NLRC5: variants seen among roughly 807,000 people sequenced by gnomAD.
The protein encoded by NLRC5 is NLR family CARD domain containing 5.
NLRC5 carries 114 observed loss-of-function variants against 206.9 expected under a neutral mutation model. The observed-to-expected ratio is 0.55, with a 90% CI of 0.47 to 0.64. The LOEUF (loss-of-function observed/expected upper bound fraction) is 0.64. Ranked by LOEUF, NLRC5 falls within the 30% of genes least tolerant of loss-of-function variation. The pLI is 0.00. For synonymous variants in NLRC5, 952 were observed against 962.8 expected, an observed-to-expected ratio of 0.99 and a Z score of 0.21; for missense variants, 2,008 against 2,305.5, an observed-to-expected ratio of 0.87 and a Z score of 2.64.
chr16:57,034,138 G>T, intron 12 of NLRC5, 30 bp from the exon 13 acceptor site: 1 of 1,599,082 alleles, frequency 6.3e-7, no homozygotes, highest in Non-Finnish European at 8.6e-7. Context: ...TGTTTGCCCT[G>T]AGCCCTTCTG....
Position 57,067,015 on chromosome 16 carries a change from A to G in NLRC5, c.4323-372A>G, listed in dbSNP as rs114284132. ...GCTTAGTCAAACACTTCCATTATCC[A>G]CTCTTATAGATCCCTGGATTCACAG... On this transcript the variant is annotated intron_variant, in intron 34 of 48. Transcript: ENST00000688547. 7.8e-3 allele frequency among the ~76,000 whole-genome samples: 1,177 copies of G among 151,812 alleles called. 21 individuals carry two copies. The highest frequency in any genetic ancestry group is 0.027 in the African/African-American group (1,133 of 41,362).
intron 39 of NLRC5, among the ~76,000 whole-genome samples, chr16:57,075,350 G>A (rs1418136462): frequency 3.3e-5 from 5 of 152,222 alleles, no homozygotes; most frequent in African/African-American, 1.2e-4. Context: ...CTCCCGAGTA[G>A]CCGGGATTAT....
rs557005239 is a variant in NLRC5 at position 57,066,580 on chromosome 16, C to A, written c.4288C>A (p.Arg1430Ser). The stretch of plus-strand genomic sequence containing the variant: ...GCTCTGTGTCCAGCTGGAATTTCCT[C>A]GCCAGGAAGAGAATCCAGAAGCTGT... ...QQLCVQLEFP[R>S]QEENPEAVAL... The change falls in exon 34 of 49, where the codon CGC (arginine) becomes AGC (serine). Residue 1430 changes from arginine (R) to serine (S), a missense_variant. Arg to Ser is a moderately radical substitution (Grantham distance 110, BLOSUM62 -1). Transcript: ENST00000688547. 3 of 1,614,040 alleles carry A rather than the reference C, an allele frequency of 1.9e-6. No individual in the cohort carries two copies. Among genetic ancestry groups the A allele is most frequent in the East Asian group, 2.2e-5 (1 of 44,880 alleles).
intron 12 of NLRC5, 104 bp from the exon 13 acceptor site, chr16:57,034,064 C>T (rs996412602): frequency 4.5e-6 from 4 of 886,384 alleles, no homozygotes; most frequent in Non-Finnish European, 7.2e-6. Context: ...TAGGATTAGA[C>T]CCAGGTCTGT....
chr16:57,041,848 T>TCA, intron 18 of NLRC5, 134 bp from the exon 19 acceptor site: 1 of 670,456 alleles, frequency 1.5e-6, no homozygotes, highest in Non-Finnish European at 2.6e-6. Flanking sequence ...GTGCCAGATC[T>TCA]GCTGAGATCT....
At chr16:57,079,718 G>A in intron 46 of NLRC5, 89 bp downstream of exon 46, 2 of 1,039,146 alleles carry the variant, frequency 1.9e-6, no homozygotes, top group Admixed American at 1.8e-5. Flanking sequence ...TGTGTGGCCT[G>A]GAGCTGCTCC....
Position 57,030,080 on chromosome 16 carries a change from G to T in NLRC5, c.2413G>T (p.Ala805Ser). Residue 805 changes from alanine (A) to serine (S), a missense_variant, in exon 10 of 49, where the codon GCC becomes TCC. Physicochemically the swap from Ala to Ser is moderately conservative, Grantham distance 99 (BLOSUM62 1). Coordinates refer to ENST00000688547, the MANE Select transcript of NLRC5 (RefSeq NM_001384950.1). ...GTGTCCTACCGTCAGGATGCTTCAG[G>T]CCAGGTGAGCAGAAGGAAAGGGATC... ...VTCPTVRMLQ[A>S]READLIFLLS... 6.2e-7 allele frequency: 1 copy of T among 1,613,950 alleles called. No individual in the cohort carries two copies. Among genetic ancestry groups the T allele is most frequent in the Non-Finnish European group, 8.5e-7 (1 of 1,179,832 alleles).
At chr16:57,020,632 T>A in intron 2 of NLRC5, 69 bp from the exon 3 acceptor site, 1 of 472,726 alleles carries the variant, frequency 2.1e-6, no homozygotes, top group Non-Finnish European at 3.2e-6. Flanking sequence ...CAAGTTCCCC[T>A]GTCCCTCAGC....
At chr16:57,059,278 G>A (rs950837853) in intron 29 of NLRC5, 189 bp from the exon 30 acceptor site, 11 of 1,463,678 alleles carry the variant, frequency 7.5e-6, no homozygotes, top group South Asian at 5.6e-5. Flanking sequence ...GAGGCCATGG[G>A]GTGGGAAGGC....
chr16:57,012,176 A>G (rs1201371325), intron 1 of NLRC5, among the ~76,000 whole-genome samples: 2 of 152,232 alleles, frequency 1.3e-5, no homozygotes, highest in Non-Finnish European at 2.9e-5. Flanking sequence ...CTTTTTTCAC[A>G]TGGCATAAAC....
chr16:56,990,084 C>T (rs1438957542), intron 1 of NLRC5, among the ~76,000 whole-genome samples: 1 of 152,118 alleles, frequency 6.6e-6, no homozygotes, highest in Non-Finnish European at 1.5e-5. Flanking sequence ...CAAACATATA[C>T]AATAGTAGAA....
intron 3 of NLRC5, chr16:57,021,258 A>G (rs2060638478): frequency 4.3e-6 from 2 of 469,226 alleles, no homozygotes; most frequent in Admixed American, 3.6e-5. Context: ...TCCAGCCACA[A>G]AATCCCACAT....
chr16:57,074,734 C>T lies in NLRC5; in HGVS notation c.4751+51C>T, dbSNP rs568181567. 2.1e-5 allele frequency: 32 copies of T among 1,544,642 alleles called. No individual in the cohort carries two copies. The South Asian group carries it at 3.5e-4, about 17-fold the overall frequency. On this transcript the variant is annotated intron_variant, in intron 39 of 48. Transcript: ENST00000688547. ...AATGAGTGGGAAGAAACACTTCCCA[C>T]TCAGTTGGGACCACATCCAGGGAAG...
At chr16:57,060,024 G>GTTATTATTA (rs3995823) in intron 30 of NLRC5, among the ~76,000 whole-genome samples, 2,314 of 144,864 alleles carry the variant, frequency 0.016, 64 homozygotes, top group African/African-American at 0.049. Flanking sequence ...TATTGTAACT[G>GTTATTATTA]TTATTATTAT....
chr16:57,070,776 A>G (rs1443460146), intron 38 of NLRC5, among the ~76,000 whole-genome samples, 158 bp downstream of exon 38: 1 of 147,946 alleles, frequency 6.8e-6, no homozygotes, highest in African/African-American at 2.5e-5. Flanking sequence ...GGAGTGGTTA[A>G]TGGGGAATGG....
intron 1 of NLRC5, among the ~76,000 whole-genome samples, chr16:56,993,681 T>C (rs1380729228): frequency 1.3e-5 from 2 of 152,212 alleles, no homozygotes; most frequent in Non-Finnish European, 2.9e-5. Context: ...AGTTTGAACA[T>C]CTTTTCAAAT....
At chr16:57,062,165 C>A (rs74023652) in intron 32 of NLRC5, 5 of 715,370 alleles carry the variant, frequency 7.0e-6, no homozygotes, top group African/African-American at 1.8e-5. Flanking sequence ...TCAGCTGAAG[C>A]GGTTTCAAGT....
At chr16:57,063,262 G>A (rs1179202017) in intron 32 of NLRC5, among the ~76,000 whole-genome samples, 5 of 151,678 alleles carry the variant, frequency 3.3e-5, no homozygotes, top group African/African-American at 9.7e-5. Flanking sequence ...ACAGGCGCCC[G>A]CCACCACACC....
At chr16:57,054,340 C>T (rs968448403) in intron 24 of NLRC5, among the ~76,000 whole-genome samples, 32 of 152,294 alleles carry the variant, frequency 2.1e-4, no homozygotes, top group African/African-American at 6.0e-4. Context: ...CCTGAAGCTT[C>T]CCACTCTCTG....
Sources: allele counts gnomAD v4.1 joint callset (sites outside exome capture counted in the v4.1 genomes callset), GRCh38; gene constraint gnomAD v4.1.1; transcripts MANE v1.5; gene names NCBI Gene and HGNC (gene_info 2026-07-23, HGNC 2026-07-21).